The following API5 variants were observed in gnomAD, a reference collection of about 807,000 sequenced individuals.
API5 encodes apoptosis inhibitor 5.
A neutral mutation model predicts 71.9 loss-of-function variants in API5; 6 were observed. The observed-to-expected ratio is 0.08, with a 90% CI of 0.05 to 0.16. API5 has a LOEUF of 0.16. API5 is among the 10% of genes least tolerant of loss of function. The pLI is 1.00. For synonymous variants in API5, 189 were observed against 221.3 expected (o/e 0.85, Z 1.30); for missense variants, 332 against 612.8 (o/e 0.54, Z 4.84).
At chr11:43,329,671 T>C (rs1218188032) in intron 9 of API5, among the ~76,000 whole-genome samples, 1 of 152,216 alleles carries the variant, frequency 6.6e-6, no homozygotes, top group African/African-American at 2.4e-5. Context: ...TCAATGTAAA[T>C]AGTTTTCACA....
At chr11:43,332,194 G>A (rs1855280917) in intron 11 of API5, 1 of 152,188 alleles carries the variant, frequency 6.6e-6, no homozygotes, top group African/African-American at 2.4e-5. Context: ...TACTCTCACA[G>A]TGCACTTCTA....
In API5 at chr11:43,318,353, A is replaced by G. The variant is rs1174772176; in HGVS notation, c.70-287A>G. On this transcript the variant is annotated intron_variant, in intron 1 of 13. Coordinates refer to ENST00000531273, the MANE Select transcript of API5 (RefSeq NM_001142930.2). ...ATGATACAGTCACATGGCCAGAGTT[A>G]ATAATCACTAGAATGAAGAAGTATT... The G allele has an allele frequency of 5.9e-6, 8 of 1,354,996 alleles. No homozygotes were observed. In the East Asian group the frequency reaches 1.7e-4, roughly 30 times the overall value. The allele number at this position is 1,354,996 out of a possible 1,614,324, so 83.9% of individuals were successfully genotyped here.
At chr11:43,324,214 C>G (rs1340430409) in intron 6 of API5, among the ~76,000 whole-genome samples, 1 of 152,130 alleles carries the variant, frequency 6.6e-6, no homozygotes, top group Non-Finnish European at 1.5e-5. Context: ...GACGGGGCTT[C>G]CCCATGTTGC....
At chr11:43,327,299 A>G (rs1479549589) in intron 7 of API5, among the ~76,000 whole-genome samples, 2 of 152,272 alleles carry the variant, frequency 1.3e-5, no homozygotes, top group African/African-American at 4.8e-5. Context: ...CCTTGAGAAT[A>G]GTGGTCATTA....
At chr11:43,330,247 G>A (rs1855208679) in intron 10 of API5, 189 bp downstream of exon 10, 1 of 619,084 alleles carries the variant, frequency 1.6e-6, no homozygotes, top group South Asian at 2.1e-5. Flanking sequence ...CAACTTCTAT[G>A]TGCATGTGAC....
intron 11 of API5, among the ~76,000 whole-genome samples, chr11:43,332,534 T>C (rs1332913127): frequency 1.3e-5 from 2 of 152,148 alleles, no homozygotes; most frequent in African/African-American, 2.4e-5. Flanking sequence ...AGGATACATA[T>C]GAACAGCCAG....
chr11:43,342,474 C>T lies in API5; in HGVS notation c.1539C>T (p.Gly513=), dbSNP rs527858727. The change falls in exon 14 of 14, where the codon GGC becomes GGT. Residue 513 remains glycine, a synonymous_variant. Transcript: ENST00000531273. ...FRGSRGGRGW[G]TRGNRSRGRL... Reference sequence around the variant, plus strand: ...GAAGTAGAGGTGGCCGAGGTTGGGGCACACGAGGAAATCGTAGTCGGGGAA... The same window carrying T: ...GAAGTAGAGGTGGCCGAGGTTGGGGTACACGAGGAAATCGTAGTCGGGGAA... 5.8e-5 allele frequency: 94 copies of T among 1,612,734 alleles called. No homozygotes were observed. Among genetic ancestry groups the T allele is most frequent in the Non-Finnish European group, 7.5e-5 (88 of 1,179,190 alleles).
chr11:43,333,107 A>G (rs1316792809), intron 11 of API5, among the ~76,000 whole-genome samples: 1 of 152,202 alleles, frequency 6.6e-6, no homozygotes, highest in Non-Finnish European at 1.5e-5. Context: ...GCTATGAGCC[A>G]GGAATCATGG....
At chr11:43,332,000 A>G (rs1766467862) in intron 11 of API5, 1 of 152,208 alleles carries the variant, frequency 6.6e-6, no homozygotes, top group Admixed American at 6.5e-5. Context: ...TTGAATATAC[A>G]ATGTGTTAAG....
intron 7 of API5, among the ~76,000 whole-genome samples, chr11:43,327,336 A>G (rs1421319288): frequency 6.6e-6 from 1 of 152,258 alleles, no homozygotes; most frequent in African/African-American, 2.4e-5. Flanking sequence ...GTATCCAGAG[A>G]CTAAATTTAA....
intron 1 of API5, among the ~76,000 whole-genome samples, chr11:43,313,032 G>A (rs555330000): frequency 1.3e-4 from 19 of 151,834 alleles, no homozygotes; most frequent in African/African-American, 4.6e-4. Context: ...GCTTGAACCC[G>A]GGAGGCAGAG....
Position 43,318,780 on chromosome 11 carries a change from C to T in API5, c.210C>T (p.Leu70=). 1 of 1,613,054 alleles carries T rather than the reference C, an allele frequency of 6.2e-7. No homozygotes were observed. Among genetic ancestry groups the T allele is most frequent in the Non-Finnish European group, 8.5e-7 (1 of 1,179,848 alleles). Residue 70 remains leucine (L), a synonymous_variant, in exon 2 of 14, where the codon CTC becomes CTT. Transcript: ENST00000531273. ...ADSAINAQLD[L]CEDEDVSIRR... Reference sequence around the variant, plus strand: ...CTGCTATCAATGCACAGTTAGACCTCTGTGAGGATGAAGATGTATCTGTAA... The same window carrying T: ...CTGCTATCAATGCACAGTTAGACCTTTGTGAGGATGAAGATGTATCTGTAA...
At position 43,319,717 on chromosome 11, in the gene API5, G is replaced by C. The variant is rs371502071; in HGVS notation, c.231+916G>C. ...CGTGAGCCACCTCATCTGGCCCGCT[G>C]TACATATTTTATGTAAAAATCGAAT... On this transcript the variant is annotated intron_variant, in intron 2 of 13. Transcript: ENST00000531273. Among the ~76,000 whole-genome samples, 125 of 152,156 alleles carry C rather than the reference G, an allele frequency of 8.2e-4. 1 individual carries two copies. The South Asian group carries it at 0.024, about 30-fold the overall frequency.
At position 43,328,751 on chromosome 11, in the gene API5, G is replaced by A. The variant is rs750733077; in HGVS notation, c.985G>A (p.Glu329Lys). 4.3e-6 allele frequency: 7 copies of A among 1,613,792 alleles called. No homozygotes were observed. In the African/African-American group the frequency reaches 9.3e-5, roughly 22 times the overall value. ...CCCTCCAGAAGAGGCAGAAAATGGA[G>A]AGAATGCTGGTAATGAAGAACCCAA... ...PLPPEEAENGENAGNEEPKLQ... is the reference protein window; with the variant it reads ...PLPPEEAENGKNAGNEEPKLQ... The change falls in exon 9 of 14, where the codon GAG becomes AAG. Residue 329 changes from glutamate (E) to lysine (K), a missense_variant. Physicochemically the swap from Glu to Lys is moderately conservative, Grantham distance 56. Coordinates refer to ENST00000531273, the MANE Select transcript of API5 (RefSeq NM_001142930.2).
chr11:43,320,633 A>G (rs1854845896), intron 2 of API5, among the ~76,000 whole-genome samples, 188 bp from the exon 3 acceptor site: 1 of 151,992 alleles, frequency 6.6e-6, no homozygotes, highest in African/African-American at 2.4e-5. Context: ...AGGGAGGCTA[A>G]GGCAAGAGGC....
rs1855703878 is a variant in API5 at position 43,343,966 on chromosome 11, A to G, written c.*1456A>G. ...AACTCCTTTATTAGAATTACTGCAC[A>G]TGTGTATGGGGAAAATAGTTCTGAA... On this transcript the variant is annotated 3_prime_UTR_variant, in exon 14 of 14. Transcript: ENST00000531273. The G allele has an allele frequency of 1.3e-5, 2 of 152,658 alleles. No individual in the cohort carries two copies. Among genetic ancestry groups the G allele is most frequent in the Admixed American group, 6.5e-5 (1 of 15,288 alleles). The allele number at this position is 152,658 out of a possible 1,614,324, so 9.5% of individuals were successfully genotyped here.
At chr11:43,314,013 C>G (rs548612805) in intron 1 of API5, among the ~76,000 whole-genome samples, 2 of 151,828 alleles carry the variant, frequency 1.3e-5, no homozygotes, top group African/African-American at 2.4e-5. Flanking sequence ...TGCTTGAACC[C>G]GGAGGGTGGA....
chr11:43,320,101 G>A (rs994526156), intron 2 of API5, among the ~76,000 whole-genome samples: 9 of 147,130 alleles, frequency 6.1e-5, no homozygotes, highest in Admixed American at 3.4e-4. Context: ...GCTGGAGTGC[G>A]GTGGTGCAAT....
Position 43,344,056 on chromosome 11 carries a change from C to T in API5, c.*1546C>T, listed in dbSNP as rs978191541. 6.6e-6 allele frequency: 1 copy of T among 152,590 alleles called. No homozygotes were observed. The highest frequency in any genetic ancestry group is 1.5e-5 in the Non-Finnish European group (1 of 68,040). The allele number at this position is 152,590 out of a possible 1,614,324, so 9.5% of individuals were successfully genotyped here. A position where few individuals can be genotyped will look rare whatever the true frequency, so the allele number is the denominator to read the frequency against. ...GGCTATGGAGTGGTGGCAATAATCT[C>T]TAAACATTCCAAAAGACCATGAGCT... is the stretch of plus-strand genomic sequence containing the variant. On this transcript the variant is annotated 3_prime_UTR_variant, in exon 14 of 14. Coordinates refer to ENST00000531273, the MANE Select transcript of API5 (RefSeq NM_001142930.2).
Sources: allele counts gnomAD v4.1 joint callset (sites outside exome capture counted in the v4.1 genomes callset), GRCh38; gene constraint gnomAD v4.1.1; transcripts MANE v1.5; gene names NCBI Gene and HGNC (gene_info 2026-07-23, HGNC 2026-07-21).